The following PEX3 variants were observed in gnomAD, a reference collection of about 807,000 sequenced individuals.
PEX3 encodes peroxisomal biogenesis factor 3.
PEX3 carries 30 observed loss-of-function variants against 55.8 expected under a neutral mutation model. The ratio of observed to expected loss-of-function variants is 0.54; its 90% CI spans 0.40 to 0.73. The LOEUF (loss-of-function observed/expected upper bound fraction) is 0.73, where lower values mean the gene tolerates loss of function less well. Ranked by LOEUF, PEX3 falls within the 30% of genes least tolerant of loss-of-function variation. The pLI is 0.00. For missense variants in PEX3, 351 were observed against 432.8 expected (o/e 0.81, Z 1.68); for synonymous variants, 135 against 148.4 (o/e 0.91, Z 0.66).
At chr6:143,477,917 C>T (rs1189320286) in intron 9 of PEX3, among the ~76,000 whole-genome samples, 1 of 152,026 alleles carries the variant, frequency 6.6e-6, no homozygotes, top group Non-Finnish European at 1.5e-5. Context: ...CCCAGCAATT[C>T]CACTCCTAGG....
chr6:143,490,068 GTTA>G lies in PEX3; in HGVS notation c.*848_*850del, dbSNP rs1780366551. ...AATTTACTTATCCCATAGCATTTTT[GTTA>G]TTATTTCGGAAGAGAGAGCATGCTA... is the stretch of plus-strand genomic sequence containing the variant. On this transcript the variant is annotated 3_prime_UTR_variant, in exon 12 of 12. Coordinates refer to ENST00000367591, the MANE Select transcript of PEX3 (RefSeq NM_003630.3). The surrounding 1 kb of genome is among the most constrained non-coding windows in gnomAD (Gnocchi z 6.0). The G allele has an allele frequency of 6.6e-6, 1 of 151,954 alleles. No individual in the cohort carries two copies. Among genetic ancestry groups the G allele is most frequent in the Non-Finnish European group, 1.5e-5 (1 of 67,948 alleles). The allele number at this position is 151,954 out of a possible 1,614,324, so 9.4% of individuals were successfully genotyped here. A position where few individuals can be genotyped will look rare whatever the true frequency, so the allele number is the denominator to read the frequency against.
intron 1 of PEX3, among the ~76,000 whole-genome samples, chr6:143,455,248 A>C (rs1779828841): frequency 6.7e-6 from 1 of 148,492 alleles, no homozygotes; most frequent in Admixed American, 6.6e-5. Flanking sequence ...GCTCGAGTGC[A>C]GTGGCTCGAT....
chr6:143,472,192 A>G lies in PEX3; in HGVS notation c.611A>G (p.Asp204Gly). 6.2e-7 allele frequency: 1 copy of G among 1,610,342 alleles called. No homozygotes were observed. Residue 204 changes from aspartate to glycine, a missense_variant, in exon 8 of 12, where the codon GAC (aspartate) becomes GGC (glycine). Transcript: ENST00000367591. ...VSLKHSLSLL[D>G]LEQKLKEIRN... ...CTTAAACATTCTTTGTCCCTTTTGG[A>G]CTTGGAGCAAAAACTAAAAGAAATC...
chr6:143,472,603 A>T (rs1187508346), intron 8 of PEX3, among the ~76,000 whole-genome samples: 1 of 152,168 alleles, frequency 6.6e-6, no homozygotes, highest in East Asian at 1.9e-4. Context: ...AATGTGTAAG[A>T]CATGTTCATT....
At chr6:143,477,303 C>T (rs1780166954) in intron 9 of PEX3, among the ~76,000 whole-genome samples, 2 of 152,162 alleles carry the variant, frequency 1.3e-5, no homozygotes, top group Non-Finnish European at 2.9e-5. Flanking sequence ...TTCTACTAAA[C>T]TCCATGAGAC....
chr6:143,459,346 T>A lies in PEX3; in HGVS notation c.205+130T>A. Reference sequence around the variant, plus strand: ...AAATCTAGCAAGTGTTTGAATGATTTAACTGAATTACATCATTTTAATGTG... The same window carrying A: ...AAATCTAGCAAGTGTTTGAATGATTAAACTGAATTACATCATTTTAATGTG... On this transcript the variant is annotated intron_variant, in intron 2 of 11. Coordinates refer to ENST00000367591, the MANE Select transcript of PEX3 (RefSeq NM_003630.3). This position sits in a 1 kb window ranked among gnomAD's most constrained non-coding sequence, Gnocchi z 4.2. 1 of 771,722 alleles carries A rather than the reference T, an allele frequency of 1.3e-6. No homozygotes were observed. Among genetic ancestry groups the A allele is most frequent in the Non-Finnish European group, 2.3e-6 (1 of 442,000 alleles). The allele number at this position is 771,722 out of a possible 1,614,324, so 47.8% of individuals were successfully genotyped here. A position where few individuals can be genotyped will look rare whatever the true frequency, so the allele number is the denominator to read the frequency against.
chr6:143,487,618 C>G lies in PEX3; in HGVS notation c.1039-1525C>G, dbSNP rs543385867. On this transcript the variant is annotated intron_variant, in intron 11 of 11. Transcript: ENST00000367591. The surrounding 1 kb of genome is among the most constrained non-coding windows in gnomAD (Gnocchi z 5.3). ...AAAAAAAGATTGTTCTATAATATGGCTGACGTCTACTATTAATAATTTGTT... is the reference window on the plus strand; with the variant it reads ...AAAAAAAGATTGTTCTATAATATGGGTGACGTCTACTATTAATAATTTGTT... Among the ~76,000 whole-genome samples, 131 of 152,238 alleles carry G rather than the reference C, an allele frequency of 8.6e-4. No homozygotes were observed. The highest frequency in any genetic ancestry group is 1.4e-3 in the South Asian group (7 of 4,832).
rs568353323 is a variant in PEX3 at position 143,471,279 on chromosome 6, G to A, written c.457-104G>A. On this transcript the variant is annotated intron_variant, in intron 5 of 11. Coordinates refer to ENST00000367591, the MANE Select transcript of PEX3 (RefSeq NM_003630.3). The surrounding 1 kb of genome is among the most constrained non-coding windows in gnomAD (Gnocchi z 5.4). ...TGTGTTAAAAATTACTATTTTTCCC[G>A]TCATTTCAGATCTTGAAAAATCTCA... 43 of 1,105,326 alleles carry A rather than the reference G, an allele frequency of 3.9e-5. No homozygotes were observed. The East Asian group carries it at 4.3e-4, about 11-fold the overall frequency. The allele number at this position is 1,105,326 out of a possible 1,614,324, so 68.5% of individuals were successfully genotyped here.
At position 143,466,256 on chromosome 6, in the gene PEX3, TAAACAATTCCTA is replaced by T. The variant is rs1244102283; in HGVS notation, c.288-1864_288-1853del. On this transcript the variant is annotated intron_variant, in intron 3 of 11. Coordinates refer to ENST00000367591, the MANE Select transcript of PEX3 (RefSeq NM_003630.3). This position sits in a 1 kb window ranked among gnomAD's most constrained non-coding sequence, Gnocchi z 5.4. ...AATATTAAATGGAAAATTCCAGAAA[TAAACAATTCCTA>T]AGCTTTCAGTTGTGTGCCATTGTGA... Among the ~76,000 whole-genome samples, 4 of 152,050 alleles carry T rather than the reference TAAACAATTCCTA, an allele frequency of 2.6e-5. No homozygotes were observed. The highest frequency in any genetic ancestry group is 4.4e-5 in the Non-Finnish European group (3 of 67,900).
In PEX3 at chr6:143,490,198, A is replaced by G. The variant is rs919780195; in HGVS notation, c.*972A>G. On this transcript the variant is annotated 3_prime_UTR_variant, in exon 12 of 12. Transcript: ENST00000367591. The surrounding 1 kb of genome is among the most constrained non-coding windows in gnomAD (Gnocchi z 6.0). ...AATAGCTTTACTTTCTGAAAAAGAA[A>G]TAATTCATTATCTCTAGTAATACAT... Among the ~76,000 whole-genome samples the G allele has an allele frequency of 2.0e-5, 3 of 151,600 alleles. No homozygotes were observed. Among genetic ancestry groups the G allele is most frequent in the Non-Finnish European group, 2.9e-5 (2 of 68,028 alleles).
In PEX3 at chr6:143,463,515, T is replaced by A. The variant is rs1407378352; in HGVS notation, c.287+518T>A. On this transcript the variant is annotated intron_variant, in intron 3 of 11. Transcript: ENST00000367591. This position sits in a 1 kb window ranked among gnomAD's most constrained non-coding sequence, Gnocchi z 5.7. ...GGCAGTTTGCTGTTTCCAAAAGCAC[T>A]TTCACATATGTAACCTTGTATATTG... Among the ~76,000 whole-genome samples the A allele has an allele frequency of 6.6e-6, 1 of 151,826 alleles. No homozygotes were observed. Among genetic ancestry groups the A allele is most frequent in the Non-Finnish European group, 1.5e-5 (1 of 68,018 alleles).
chr6:143,485,191 A>T lies in PEX3; in HGVS notation c.981A>T (p.Pro327=), dbSNP rs1780300174. The T allele has an allele frequency of 4.4e-6, 7 of 1,607,202 alleles. No individual in the cohort carries two copies. The highest frequency in any genetic ancestry group is 1.7e-5 in the Admixed American group (1 of 59,944). ...SVSLPLAKII[P]IVNGQIHSVC... ...GCCTGCCTTTAGCTAAGATAATTCCAATAGTAAACGGACAGATCCATTCAG... is the reference window on the plus strand; with the variant it reads ...GCCTGCCTTTAGCTAAGATAATTCCTATAGTAAACGGACAGATCCATTCAG... The change falls in exon 11 of 12, where the codon CCA becomes CCT. Residue 327 remains proline, a synonymous_variant. Transcript: ENST00000367591. This position sits in a 1 kb window ranked among gnomAD's most constrained non-coding sequence, Gnocchi z 5.6.
At position 143,482,822 on chromosome 6, in the gene PEX3, G is replaced by A. The variant is rs1780259058; in HGVS notation, c.942-2330G>A. 6.6e-6 allele frequency among the ~76,000 whole-genome samples: 1 copy of A among 151,906 alleles called. No individual in the cohort carries two copies. Among genetic ancestry groups the A allele is most frequent in the African/African-American group, 2.4e-5 (1 of 41,390 alleles). ...AGGTTTAAGCATTTAAATATACTAA[G>A]TAAAAACAAATATACTGATCGAAAA... is the stretch of plus-strand genomic sequence containing the variant. On this transcript the variant is annotated intron_variant, in intron 10 of 11. Transcript: ENST00000367591. This position sits in a 1 kb window ranked among gnomAD's most constrained non-coding sequence, Gnocchi z 5.5.
chr6:143,450,871 C>G lies in PEX3; in HGVS notation c.-172C>G. ...TAGCTGCTTTGCTGTAGTCCACGCC[C>G]CCTTGCCGCTCCGGTGACAGTCTCT... On this transcript the variant is annotated 5_prime_UTR_variant, in exon 1 of 12. Coordinates refer to ENST00000367591, the MANE Select transcript of PEX3 (RefSeq NM_003630.3). 1.3e-6 allele frequency: 1 copy of G among 784,820 alleles called. No homozygotes were observed. Among genetic ancestry groups the G allele is most frequent in the African/African-American group, 1.7e-5 (1 of 59,238 alleles). 48.6% of individuals were successfully genotyped at this position (784,820 alleles called of 1,614,324 possible). A position where few individuals can be genotyped will look rare whatever the true frequency, so the allele number is the denominator to read the frequency against.
rs1297002688 is a variant in PEX3, at chr6:143,466,090, A to G, written c.288-2032A>G. ...GTTTGAAAAGCACTAAACTACCTCC[A>G]CATAGTACATCCATACAATGGTGTA... On this transcript the variant is annotated intron_variant, in intron 3 of 11. Transcript: ENST00000367591. This position sits in a 1 kb window ranked among gnomAD's most constrained non-coding sequence, Gnocchi z 5.4. Among the ~76,000 whole-genome samples, 1 of 152,102 alleles carries G rather than the reference A, an allele frequency of 6.6e-6. No homozygotes were observed. Among genetic ancestry groups the G allele is most frequent in the Admixed American group, 6.5e-5 (1 of 15,276 alleles).
At chr6:143,452,054 G>C (rs139507637) in intron 1 of PEX3, among the ~76,000 whole-genome samples, 2 of 152,250 alleles carry the variant, frequency 1.3e-5, no homozygotes, top group East Asian at 3.9e-4. Flanking sequence ...TTTTCTCTTA[G>C]TATTAGATTG....
Position 143,488,593 on chromosome 6 carries a change from C to T in PEX3, c.1039-550C>T, listed in dbSNP as rs574811859. 2.6e-5 allele frequency among the ~76,000 whole-genome samples: 4 copies of T among 151,940 alleles called. No homozygotes were observed. Among genetic ancestry groups the T allele is most frequent in the African/African-American group, 9.7e-5 (4 of 41,384 alleles). On this transcript the variant is annotated intron_variant, in intron 11 of 11. Transcript: ENST00000367591. The surrounding 1 kb of genome is among the most constrained non-coding windows in gnomAD (Gnocchi z 4.9). Reference sequence around the variant, plus strand: ...CCTACATTCATAATTGAAAGAGATACCAGATTTTGGTTAGAAGTTAAAGAA... The same window carrying T: ...CCTACATTCATAATTGAAAGAGATATCAGATTTTGGTTAGAAGTTAAAGAA...
At position 143,450,844 on chromosome 6, in the gene PEX3, C is replaced by T. The variant is rs1442523594; in HGVS notation, c.-199C>T. 5 of 755,226 alleles carry T rather than the reference C, an allele frequency of 6.6e-6. No individual in the cohort carries two copies. The highest frequency in any genetic ancestry group is 3.5e-5 in the African/African-American group (2 of 57,858). 46.8% of individuals were successfully genotyped at this position (755,226 alleles called of 1,614,324 possible). On this transcript the variant is annotated 5_prime_UTR_variant, in exon 1 of 12. Transcript: ENST00000367591. ...GCTGCGCGGCGGCAGCGGCAGAAAG[C>T]GTAGCTGCTTTGCTGTAGTCCACGC...
At position 143,485,231 on chromosome 6, in the gene PEX3, C is replaced by G; in HGVS notation, c.1021C>G (p.Pro341Ala). The G allele has an allele frequency of 1.9e-6, 3 of 1,582,762 alleles. No individual in the cohort carries two copies. The highest frequency in any genetic ancestry group is 2.6e-6 in the Non-Finnish European group (3 of 1,151,768). ...GATCCATTCAGTTTGCAGTGAAACA[C>G]CTAGTCATTTTGTTCAGGTAAGAAG... ...GQIHSVCSET[P>A]SHFVQDLLTM... Residue 341 changes from proline (P) to alanine (A), a missense_variant, in exon 11 of 12, where the codon CCT (proline) becomes GCT (alanine). Pro to Ala is a conservative substitution (Grantham distance 27). Transcript: ENST00000367591. This position sits in a 1 kb window ranked among gnomAD's most constrained non-coding sequence, Gnocchi z 5.6.
Sources: allele counts gnomAD v4.1 joint callset (sites outside exome capture counted in the v4.1 genomes callset), GRCh38; gene constraint gnomAD v4.1.1; non-coding constraint Gnocchi (gnomAD v3.1); transcripts MANE v1.5; gene names NCBI Gene and HGNC (gene_info 2026-07-23, HGNC 2026-07-21).